The following HERC6 variants were observed in gnomAD, a reference collection of about 807,000 sequenced individuals.
HERC6 encodes probable E3 ubiquitin-protein ligase HERC6.
In HERC6, 101 loss-of-function variants were observed where a neutral mutation model predicts 114.5. That is an observed-to-expected ratio of 0.88 (90% CI 0.75 to 1.04). The LOEUF (loss-of-function observed/expected upper bound fraction) is 1.04. HERC6 is among the 50% of genes least tolerant of loss of function. HERC6 has a pLI of 0.00. For missense variants in HERC6, 1,133 were observed against 1,230.9 expected (o/e 0.92, Z 1.19); for synonymous variants, 408 against 436.2 (o/e 0.94, Z 0.81).
At chr4:88,383,152 G>T (rs1480600202) in intron 1 of HERC6, 69 bp from the exon 2 acceptor site, 3 of 1,550,558 alleles carry the variant, frequency 1.9e-6, no homozygotes, top group Non-Finnish European at 2.6e-6. Context: ...GAAAAGTGCT[G>T]TCTTAAACTT....
intron 22 of HERC6, among the ~76,000 whole-genome samples, chr4:88,442,028 T>C (rs1052590087): frequency 6.6e-6 from 1 of 152,206 alleles, no homozygotes; most frequent in African/African-American, 2.4e-5. Flanking sequence ...TTTTCATGCA[T>C]ATAATTTTCC....
intron 10 of HERC6, among the ~76,000 whole-genome samples, chr4:88,407,948 T>C (rs964514441): frequency 6.6e-6 from 1 of 152,170 alleles, no homozygotes; most frequent in African/African-American, 2.4e-5. Context: ...TTGGACTGGG[T>C]AAATGTACAA....
intron 8 of HERC6, among the ~76,000 whole-genome samples, chr4:88,403,675 AC>A (rs1735662509): frequency 6.6e-6 from 1 of 152,028 alleles, no homozygotes; most frequent in Admixed American, 6.6e-5. Context: ...AATGGTGTGA[AC>A]CTGGGAGACA....
At chr4:88,405,478 AT>A in intron 9 of HERC6, 75 bp from the exon 10 acceptor site, 1 of 691,138 alleles carries the variant, frequency 1.4e-6, no homozygotes, top group South Asian at 2.5e-5. Flanking sequence ...TCATTTACTT[AT>A]TCAGACATAA....
intron 8 of HERC6, among the ~76,000 whole-genome samples, chr4:88,404,193 C>CTTTT (rs202005015): frequency 7.3e-6 from 1 of 137,130 alleles, no homozygotes. Context: ...AATTTCATTT[C>CTTTT]TTTTTTTTTT....
intron 8 of HERC6, among the ~76,000 whole-genome samples, chr4:88,403,144 C>T (rs1238710501): frequency 6.6e-6 from 1 of 152,172 alleles, no homozygotes; most frequent in African/African-American, 2.4e-5. Context: ...TATTTGGTCT[C>T]AAGTATTATA....
intron 13 of HERC6, among the ~76,000 whole-genome samples, chr4:88,419,607 C>T (rs994102008): frequency 6.6e-6 from 1 of 152,156 alleles, no homozygotes; most frequent in Non-Finnish European, 1.5e-5. Context: ...GATTCTGATC[C>T]GGTAGGCCTG....
chr4:88,440,026 AT>A lies in HERC6; in HGVS notation c.2709del (p.Asn903LysfsTer36). The A allele has an allele frequency of 1.2e-6, 2 of 1,610,736 alleles. No individual in the cohort carries two copies. Among genetic ancestry groups the A allele is most frequent in the Non-Finnish European group, 8.5e-7 (1 of 1,179,042 alleles). ...GAACTAATGACAGCAATCATTGGAA[AT>A]ACTGATTATGACTGGAAACAGTTTG... ...PEELMTAIIG[N>X]TDYDWKQFEQ... is the part of the protein sequence containing the mutation. On this transcript the variant is annotated frameshift_variant, in exon 21 of 23. Transcript: ENST00000264346. LOFTEE classifies it high-confidence loss of function.
chr4:88,430,844 A>C (rs1295946081), intron 16 of HERC6, among the ~76,000 whole-genome samples: 1 of 152,186 alleles, frequency 6.6e-6, no homozygotes. Flanking sequence ...TTAGGGGCCC[A>C]CGGGTTTGAA....
chr4:88,406,336 T>C (rs1735812986), intron 10 of HERC6, among the ~76,000 whole-genome samples: 1 of 152,226 alleles, frequency 6.6e-6, no homozygotes, highest in Non-Finnish European at 1.5e-5. Context: ...AATATGGTGA[T>C]ACACATCTTG....
intron 13 of HERC6, among the ~76,000 whole-genome samples, chr4:88,418,582 G>A (rs773822232): frequency 2.3e-4 from 35 of 152,200 alleles, no homozygotes; most frequent in Non-Finnish European, 4.1e-4. Flanking sequence ...TCTCCAGGAT[G>A]TTTGGGTTCT....
intron 11 of HERC6, among the ~76,000 whole-genome samples, chr4:88,411,550 G>T (rs1736104246): frequency 1.3e-5 from 2 of 152,118 alleles, no homozygotes; most frequent in East Asian, 3.8e-4. Flanking sequence ...GTTTATTGTT[G>T]CATATATCAC....
chr4:88,404,790 A>G, intron 8 of HERC6, 86 bp from the exon 9 acceptor site: 1 of 1,523,358 alleles, frequency 6.6e-7, no homozygotes, highest in Non-Finnish European at 8.9e-7. Context: ...GGGCCTATTT[A>G]CCACCCATGC....
chr4:88,406,042 T>C (rs1560545377), intron 10 of HERC6, among the ~76,000 whole-genome samples: 1 of 152,260 alleles, frequency 6.6e-6, no homozygotes, highest in Non-Finnish European at 1.5e-5. Context: ...ATTTTACTCC[T>C]ATTTGGTTTA....
chr4:88,385,434 CTG>C, intron 2 of HERC6, 63 bp from the exon 3 acceptor site: 1 of 737,764 alleles, frequency 1.4e-6, no homozygotes, highest in Admixed American at 3.1e-5. Context: ...TTTTAAATAT[CTG>C]TAGTCCACCG....
intron 10 of HERC6, among the ~76,000 whole-genome samples, chr4:88,408,258 A>G (rs560498814): frequency 6.6e-6 from 1 of 152,336 alleles, no homozygotes; most frequent in Admixed American, 6.5e-5. Flanking sequence ...CTGTTGTCAG[A>G]TTCAGCACGT....
intron 13 of HERC6, among the ~76,000 whole-genome samples, chr4:88,423,068 T>G (rs1306448540): frequency 6.6e-6 from 1 of 151,936 alleles, no homozygotes; most frequent in Non-Finnish European, 1.5e-5. Flanking sequence ...GTTTTTTTTT[T>G]TGTTTTTTTT....
At chr4:88,384,786 A>T (rs1734490266) in intron 2 of HERC6, among the ~76,000 whole-genome samples, 1 of 152,094 alleles carries the variant, frequency 6.6e-6, no homozygotes, top group Non-Finnish European at 1.5e-5. Flanking sequence ...TTGGCAGGCC[A>T]AGGTGGGCGG....
intron 13 of HERC6, among the ~76,000 whole-genome samples, chr4:88,420,959 A>G (rs1736987693): frequency 6.6e-6 from 1 of 152,088 alleles, no homozygotes; most frequent in Non-Finnish European, 1.5e-5. Flanking sequence ...TTCTCACTCC[A>G]GCCCTAGGCA....
Sources: allele counts gnomAD v4.1 joint callset (sites outside exome capture counted in the v4.1 genomes callset), GRCh38; gene constraint gnomAD v4.1.1; transcripts MANE v1.5; gene names NCBI Gene and HGNC (gene_info 2026-07-23, HGNC 2026-07-21).